The following KCNIP4 variants were observed in gnomAD, a reference collection of about 807,000 sequenced individuals.
KCNIP4 encodes the protein Kv channel-interacting protein 4.
KCNIP4 carries 12 observed loss-of-function variants against 34.0 expected under a neutral mutation model. The observed-to-expected ratio is 0.35, with a 90% CI of 0.23 to 0.57. The LOEUF (loss-of-function observed/expected upper bound fraction) is 0.57. Among genes scored for constraint, KCNIP4 ranks in the 20% least tolerant of loss-of-function variants. The pLI is 0.83. For synonymous variants in KCNIP4, 124 were observed against 102.2 expected, an observed-to-expected ratio of 1.21 and a Z score of -1.29; for missense variants, 238 against 311.7, an observed-to-expected ratio of 0.76 and a Z score of 1.78.
chr4:21,203,319 G>A (rs542131958), intron 1 of KCNIP4, among the ~76,000 whole-genome samples: 1 of 151,718 alleles, frequency 6.6e-6, no homozygotes, highest in South Asian at 2.1e-4. Context: ...ATCTTCAAGA[G>A]GTGTGTATTG....
intron 1 of KCNIP4, chr4:21,763,061 G>A (rs1238518698): frequency 1.1e-5 from 14 of 1,288,808 alleles, no homozygotes; most frequent in Admixed American, 2.3e-5. Context: ...TGCACAGTTT[G>A]CCTAATTTCC....
intron 1 of KCNIP4, among the ~76,000 whole-genome samples, chr4:21,037,048 A>G (rs1365992505): frequency 6.6e-6 from 1 of 152,152 alleles, no homozygotes; most frequent in Non-Finnish European, 1.5e-5. Context: ...AAAAAAATAC[A>G]ATAAGAATAT....
At chr4:21,789,599 A>G (rs1421501058) in intron 1 of KCNIP4, among the ~76,000 whole-genome samples, 1 of 152,240 alleles carries the variant, frequency 6.6e-6, no homozygotes, top group Non-Finnish European at 1.5e-5. Flanking sequence ...ACTACGTAAC[A>G]TCTTTGCTAC....
intron 1 of KCNIP4, among the ~76,000 whole-genome samples, chr4:21,225,136 T>A (rs966009803): frequency 6.6e-6 from 1 of 152,072 alleles, no homozygotes; most frequent in Non-Finnish European, 1.5e-5. Flanking sequence ...TCACAACAGG[T>A]TTTTTGGGGC....
chr4:21,618,579 T>TCTCA (rs1744761851), intron 1 of KCNIP4, among the ~76,000 whole-genome samples: 1 of 150,388 alleles, frequency 6.6e-6, no homozygotes, highest in Non-Finnish European at 1.5e-5. Flanking sequence ...TCTCTCTCTC[T>TCTCA]CACTCTCTGT....
At chr4:21,576,138 A>G (rs1339017843) in intron 1 of KCNIP4, among the ~76,000 whole-genome samples, 2 of 152,226 alleles carry the variant, frequency 1.3e-5, no homozygotes, top group Admixed American at 6.5e-5. Context: ...GACTGAGTCA[A>G]TAAGTAAATG....
intron 1 of KCNIP4, among the ~76,000 whole-genome samples, chr4:20,883,459 C>A (rs550916151): frequency 6.6e-6 from 1 of 151,994 alleles, no homozygotes; most frequent in East Asian, 1.9e-4. Context: ...AGTGGCTGGA[C>A]GGGTGAGCTT....
At chr4:21,659,165 TTTTG>T (rs1748226938) in intron 1 of KCNIP4, among the ~76,000 whole-genome samples, 1 of 152,200 alleles carries the variant, frequency 6.6e-6, no homozygotes, top group Non-Finnish European at 1.5e-5. Context: ...GGCATAAATA[TTTTG>T]TTTATCAGAG....
intron 1 of KCNIP4, among the ~76,000 whole-genome samples, chr4:21,380,168 T>C (rs2109471530): frequency 6.6e-6 from 1 of 152,236 alleles, no homozygotes; most frequent in Non-Finnish European, 1.5e-5. Context: ...GTAAAAACGC[T>C]ACACTAAAAC....
At chr4:21,685,293 G>A (rs530381307) in intron 1 of KCNIP4, among the ~76,000 whole-genome samples, 36 of 152,284 alleles carry the variant, frequency 2.4e-4, no homozygotes, top group Admixed American at 9.8e-4. Context: ...ACTGATTCCA[G>A]CCACTGTCCT....
At chr4:21,228,324 TA>T (rs1185390858) in intron 1 of KCNIP4, among the ~76,000 whole-genome samples, 1 of 152,156 alleles carries the variant, frequency 6.6e-6, no homozygotes, top group African/African-American at 2.4e-5. Context: ...TCTGCCACGG[TA>T]AAACATGATT....
Position 21,263,968 on chromosome 4 carries a change from C to CGTGTGTGT in KCNIP4, c.62-381267_62-381260dup, listed in dbSNP as rs375296925. On this transcript the variant is annotated intron_variant, in intron 1 of 8. Coordinates refer to ENST00000382152, the MANE Select transcript of KCNIP4 (RefSeq NM_025221.6). ...CCATGCCCAGCCCAATATATATATA[C>CGTGTGTGT]GTGTGTGTGTGTGTGTGTGTGTGTA... Among the ~76,000 whole-genome samples the CGTGTGTGT allele has an allele frequency of 7.0e-3, 1,038 of 148,298 alleles. 37 individuals are homozygous for CGTGTGTGT. The East Asian group carries it at 0.14, about 20-fold the overall frequency.
intron 1 of KCNIP4, among the ~76,000 whole-genome samples, chr4:21,630,837 T>A (rs1745715246): frequency 1.3e-5 from 2 of 152,180 alleles, no homozygotes; most frequent in Admixed American, 1.3e-4. Context: ...GAAAGATGTT[T>A]CTGTTTTTTG....
intron 1 of KCNIP4, among the ~76,000 whole-genome samples, chr4:21,720,510 T>TC (rs1714737884): frequency 6.9e-6 from 1 of 143,910 alleles, no homozygotes; most frequent in Non-Finnish European, 1.5e-5. Context: ...TTGTTTTTTT[T>TC]CCCCCATTCT....
chr4:21,304,342 C>T (rs1434215678), intron 1 of KCNIP4, among the ~76,000 whole-genome samples: 1 of 152,170 alleles, frequency 6.6e-6, no homozygotes, highest in East Asian at 1.9e-4. Flanking sequence ...CCCGAGGACC[C>T]AGGAGGTCAC....
chr4:21,538,829 A>G (rs1181304235), intron 1 of KCNIP4, among the ~76,000 whole-genome samples: 1 of 152,208 alleles, frequency 6.6e-6, no homozygotes, highest in Non-Finnish European at 1.5e-5. Flanking sequence ...CTGTTATCAC[A>G]AAACTGTTAC....
intron 1 of KCNIP4, among the ~76,000 whole-genome samples, chr4:21,129,730 A>T (rs768346591): frequency 3.3e-5 from 5 of 152,116 alleles, no homozygotes; most frequent in Admixed American, 2.0e-4. Context: ...CTCACTTTAT[A>T]ATATAGATAG....
At chr4:21,681,665 T>C (rs1750367249) in intron 1 of KCNIP4, among the ~76,000 whole-genome samples, 1 of 152,144 alleles carries the variant, frequency 6.6e-6, no homozygotes, top group Non-Finnish European at 1.5e-5. Context: ...CATTCTTGCA[T>C]TGCTGTAAAG....
chr4:21,748,307 G>A (rs2109140137), intron 1 of KCNIP4, among the ~76,000 whole-genome samples: 1 of 152,148 alleles, frequency 6.6e-6, no homozygotes, highest in East Asian at 1.9e-4. Context: ...GCAAAACAGA[G>A]CCTCTCCAAA....
Sources: gnomAD v4.1 joint callset for allele counts (sites outside exome capture counted in the v4.1 genomes callset) on GRCh38, gnomAD v4.1.1 for gene constraint, MANE v1.5 for transcripts, NCBI Gene and HGNC (gene_info 2026-07-23, HGNC 2026-07-21) for gene names.